Variants in C7orf57 observed in about 807,000 individuals in gnomAD.
The protein encoded by C7orf57 is chromosome 7 open reading frame 57.
A neutral mutation model predicts 39.0 loss-of-function variants in C7orf57; 33 were observed. That is an observed-to-expected ratio of 0.85 (90% CI 0.64 to 1.13). The LOEUF (loss-of-function observed/expected upper bound fraction) is 1.13, where lower values mean the gene tolerates loss of function less well. Ranked by LOEUF, C7orf57 falls within the 50% of genes most tolerant of loss-of-function variation. The pLI, the probability that C7orf57 is intolerant of heterozygous loss-of-function variation, is 0.00. For missense variants in C7orf57, 346 were observed against 362.3 expected (o/e 0.95, Z 0.37); for synonymous variants, 124 against 137.1 (o/e 0.90, Z 0.67).
At chr7:48,051,934 TCTC>T (rs1482523014) in intron 6 of C7orf57, among the ~76,000 whole-genome samples, 100 of 138,932 alleles carry the variant, frequency 7.2e-4, no homozygotes, top group African/African-American at 2.7e-3. Context: ...TCTTTCTTTC[TCTC>T]CTCTTTTTTT....
At chr7:48,050,259 AC>A (rs1205502862) in intron 6 of C7orf57, among the ~76,000 whole-genome samples, 2 of 151,592 alleles carry the variant, frequency 1.3e-5, no homozygotes, top group Non-Finnish European at 2.9e-5. Flanking sequence ...TGCCTGAAGC[AC>A]TCCCCCTCCA....
chr7:48,057,445 T>C (rs1336891709), intron 8 of C7orf57, among the ~76,000 whole-genome samples: 1 of 152,198 alleles, frequency 6.6e-6, no homozygotes, highest in African/African-American at 2.4e-5. Context: ...TATAGAATGC[T>C]ACCAATTTTT....
intron 4 of C7orf57, among the ~76,000 whole-genome samples, chr7:48,044,556 G>T (rs1790658821): frequency 6.6e-6 from 1 of 152,170 alleles, no homozygotes; most frequent in Admixed American, 6.5e-5. Flanking sequence ...GTTTAAAGGT[G>T]GGTGCGGTCG....
At position 48,060,990 on chromosome 7, in the gene C7orf57, G is replaced by T. The variant is rs563778252; in HGVS notation, c.*718G>T. The T allele has an allele frequency of 7.2e-5, 11 of 152,056 alleles. No individual in the cohort carries two copies. The East Asian group carries it at 2.1e-3, about 29-fold the overall frequency. 9.4% of individuals were successfully genotyped at this position (152,056 alleles called of 1,614,324 possible). ...TAAATGTTAAATTGTTTATATTTAA[G>T]TAATTAGCTTAAAAATATAGTTTTA... On this transcript the variant is annotated 3_prime_UTR_variant, in exon 9 of 9. Coordinates refer to ENST00000348904, the MANE Select transcript of C7orf57 (RefSeq NM_001100159.3).
intron 5 of C7orf57, among the ~76,000 whole-genome samples, chr7:48,047,572 C>T (rs1240297254): frequency 6.6e-6 from 1 of 152,230 alleles, no homozygotes; most frequent in Non-Finnish European, 1.5e-5. Flanking sequence ...GGAATGTCAA[C>T]TGGCTGCAAT....
Position 48,060,296 on chromosome 7 carries a change from GATA to G in C7orf57, c.*27_*29del, listed in dbSNP as rs752277296. Reference sequence around the variant, plus strand: ...AAATCCTGATGCAATATGTATTTAGGATAATTTTTAAATGGCTAAATATGACAT... The same window carrying G: ...AAATCCTGATGCAATATGTATTTAGGATTTTTAAATGGCTAAATATGACAT... On this transcript the variant is annotated 3_prime_UTR_variant, in exon 9 of 9. Transcript: ENST00000348904. The G allele has an allele frequency of 8.9e-6, 13 of 1,464,592 alleles. 1 individual carries two copies. The Admixed American group carries it at 2.6e-4, about 30-fold the overall frequency. The allele number at this position is 1,464,592 out of a possible 1,614,324, so 90.7% of individuals were successfully genotyped here. A position where few individuals can be genotyped will look rare whatever the true frequency, so the allele number is the denominator to read the frequency against.
chr7:48,044,769 C>T (rs1790665011), intron 4 of C7orf57, among the ~76,000 whole-genome samples: 2 of 152,156 alleles, frequency 1.3e-5, no homozygotes, highest in Admixed American at 1.3e-4. Context: ...TATGGGGAGC[C>T]ATCGTTCCCA....
chr7:48,041,512 C>A lies in C7orf57; in HGVS notation c.234C>A (p.Gly78=), dbSNP rs377570178. Residue 78 remains glycine (G), a synonymous_variant, in exon 3 of 9, where the codon GGC becomes GGA. Coordinates refer to ENST00000348904, the MANE Select transcript of C7orf57 (RefSeq NM_001100159.3). The part of the protein sequence containing the change: ...SEYVKLAKQG[G]RPDLLKHFAP... ...ATGTGAAGCTCGCGAAACAAGGTGG[C>A]AGGCCCGGTGAGCCCCCTCCTGCCC... is the stretch of plus-strand genomic sequence containing the variant. 4 of 1,603,160 alleles carry A rather than the reference C, an allele frequency of 2.5e-6. No homozygotes were observed. Among genetic ancestry groups the A allele is most frequent in the Non-Finnish European group, 3.4e-6 (4 of 1,172,960 alleles).
rs533888783 is a variant in C7orf57, at chr7:48,039,266, T to C, written c.56-2068T>C. On this transcript the variant is annotated intron_variant, in intron 2 of 8. Transcript: ENST00000348904. ...CTTTCAGGACCTGCTATCTGTCATG[T>C]GATGCTATACTAGAGTCAGGTTGCA... is the stretch of plus-strand genomic sequence containing the variant. Among the ~76,000 whole-genome samples, 8 of 152,350 alleles carry C rather than the reference T, an allele frequency of 5.3e-5. No individual in the cohort carries two copies. In the South Asian group the frequency reaches 1.7e-3, roughly 32 times the overall value.
chr7:48,048,573 T>C (rs1790782744), intron 5 of C7orf57, among the ~76,000 whole-genome samples: 1 of 152,220 alleles, frequency 6.6e-6, no homozygotes, highest in Non-Finnish European at 1.5e-5. Context: ...CCATAGCATG[T>C]ATTTCTATTT....
intron 6 of C7orf57, among the ~76,000 whole-genome samples, chr7:48,051,911 T>G (rs968408485): frequency 7.5e-6 from 1 of 133,584 alleles, no homozygotes; most frequent in East Asian, 2.2e-4. Flanking sequence ...TTCCTTTTCT[T>G]TTCTCTTCTC....
intron 8 of C7orf57, among the ~76,000 whole-genome samples, chr7:48,058,888 T>C (rs996421757): frequency 6.6e-6 from 1 of 152,248 alleles, no homozygotes; most frequent in Non-Finnish European, 1.5e-5. Flanking sequence ...ATAAACTTTA[T>C]ATTGCAGGTG....
intron 7 of C7orf57, chr7:48,053,213 A>C (rs1791013498): frequency 2.2e-6 from 1 of 460,980 alleles, no homozygotes; most frequent in South Asian, 2.0e-5. Context: ...CAAATAATAT[A>C]CCAAATAGTA....
intron 5 of C7orf57, among the ~76,000 whole-genome samples, chr7:48,049,259 C>T (rs764446476): frequency 5.9e-5 from 9 of 152,200 alleles, no homozygotes; most frequent in Non-Finnish European, 1.0e-4. Flanking sequence ...ACTGCCACGC[C>T]GCATTTCGTG....
In C7orf57 at chr7:48,052,686, T is replaced by C. The variant is rs771762933; in HGVS notation, c.606-14T>C. 6.2e-7 allele frequency: 1 copy of C among 1,608,630 alleles called. No homozygotes were observed. The highest frequency in any genetic ancestry group is 1.1e-5 in the South Asian group (1 of 90,954). ...CTTGTACTTAAGTTTCACATTACTT[T>C]TACTCTTTTTAAGGCCTGGTCAAAA... On this transcript the variant is annotated splice_polypyrimidine_tract_variant and intron_variant, in intron 6 of 8. Transcript: ENST00000348904.
intron 2 of C7orf57, among the ~76,000 whole-genome samples, chr7:48,038,381 CATATAGATAG>C (rs1329317924): frequency 7.8e-6 from 1 of 128,928 alleles, no homozygotes; most frequent in African/African-American, 3.5e-5. Flanking sequence ...TTTCTATATA[CATATAGATAG>C]ATAGATAGAT....
intron 2 of C7orf57, 97 bp from the exon 3 acceptor site, chr7:48,041,237 C>A: frequency 8.6e-7 from 1 of 1,158,034 alleles, no homozygotes; most frequent in Non-Finnish European, 1.2e-6. Flanking sequence ...CACTGCCCCA[C>A]CTGATGGTGT....
In C7orf57 at chr7:48,060,876, A is replaced by G. The variant is rs1025966061; in HGVS notation, c.*604A>G. 23 of 152,162 alleles carry G rather than the reference A, an allele frequency of 1.5e-4. No individual in the cohort carries two copies. Among genetic ancestry groups the G allele is most frequent in the Admixed American group, 1.5e-3 (23 of 15,272 alleles). The allele number at this position is 152,162 out of a possible 1,614,324, so 9.4% of individuals were successfully genotyped here. A position where few individuals can be genotyped will look rare whatever the true frequency, so the allele number is the denominator to read the frequency against. ...ATTAAACATTTGTTATTTTGTATAA[A>G]CCTTTAAGTAAAAATATGCTGTTTT... On this transcript the variant is annotated 3_prime_UTR_variant, in exon 9 of 9. Transcript: ENST00000348904.
intron 7 of C7orf57, chr7:48,053,188 A>G (rs1791012637): frequency 8.9e-6 from 5 of 563,076 alleles, no homozygotes; most frequent in Non-Finnish European, 1.6e-5. Context: ...TTGATAGTCC[A>G]TTTGATATAA....
Sources: allele counts gnomAD v4.1 joint callset (sites outside exome capture counted in the v4.1 genomes callset), GRCh38; gene constraint gnomAD v4.1.1; transcripts MANE v1.5; gene names NCBI Gene and HGNC (gene_info 2026-07-23, HGNC 2026-07-21).